The following CDYL variants were observed in gnomAD, a reference collection of about 807,000 sequenced individuals.
The protein encoded by CDYL is chromodomain Y-like protein.
A neutral mutation model predicts 47.3 loss-of-function variants in CDYL; 8 were observed. That is an observed-to-expected ratio of 0.17 (90% confidence interval 0.10 to 0.31). CDYL has a LOEUF of 0.31. Among genes scored for constraint, CDYL ranks in the 10% least tolerant of loss-of-function variants. The pLI is 1.00. For synonymous variants in CDYL, 266 were observed against 265.0 expected, an observed-to-expected ratio of 1.00 and a Z score of -0.04; for missense variants, 471 against 701.4, an observed-to-expected ratio of 0.67 and a Z score of 3.71.
intron 1 of CDYL, among the ~76,000 whole-genome samples, chr6:4,890,498 A>G (rs1035490433): frequency 1.3e-5 from 2 of 152,156 alleles, no homozygotes; most frequent in Admixed American, 6.5e-5. Flanking sequence ...ATATGTATTT[A>G]ATTTTAGGCT....
At position 4,746,513 on chromosome 6, in the gene CDYL, A is replaced by G. The variant is rs561420009; in HGVS notation, c.186+11669A>G. On this transcript the variant is annotated intron_variant, in intron 3 of 8. Transcript: ENST00000328908. ...GGGCACAACAACAGGAATGGATAGTAATGAAGAGACCGGAATGCTGCTGAG... is the reference window on the plus strand; with the variant it reads ...GGGCACAACAACAGGAATGGATAGTGATGAAGAGACCGGAATGCTGCTGAG... 2.6e-4 allele frequency among the ~76,000 whole-genome samples: 40 copies of G among 152,264 alleles called. 1 individual carries two copies. Among genetic ancestry groups the G allele is most frequent in the Admixed American group, 2.5e-3 (38 of 15,286 alleles).
chr6:4,828,755 A>C (rs868168352), intron 1 of CDYL, among the ~76,000 whole-genome samples: 5 of 152,016 alleles, frequency 3.3e-5, no homozygotes, highest in Admixed American at 6.5e-5. Context: ...GTTGGTATGC[A>C]TGATGGTGTC....
intron 1 of CDYL, among the ~76,000 whole-genome samples, chr6:4,820,178 A>G (rs1759795183): frequency 6.6e-6 from 1 of 152,168 alleles, no homozygotes; most frequent in African/African-American, 2.4e-5. Flanking sequence ...TTTTCCCCAA[A>G]AGTGCATAAA....
chr6:4,819,556 A>C (rs375493811), intron 1 of CDYL, among the ~76,000 whole-genome samples: 26 of 152,270 alleles, frequency 1.7e-4, no homozygotes, highest in Middle Eastern at 6.8e-3. Flanking sequence ...CATCATGACA[A>C]CATCTTGAGG....
chr6:4,824,198 C>T (rs779252421), intron 1 of CDYL, among the ~76,000 whole-genome samples: 9 of 152,160 alleles, frequency 5.9e-5, no homozygotes, highest in Non-Finnish European at 1.2e-4. Context: ...TTGATAATTC[C>T]AGTATATAAT....
intron 1 of CDYL, 73 bp downstream of exon 1, chr6:4,776,880 G>A: frequency 2.9e-6 from 2 of 698,364 alleles, no homozygotes; most frequent in Non-Finnish European, 3.5e-6. Flanking sequence ...GCCGCCCGAC[G>A]GCCCCGCTCG....
intron 1 of CDYL, among the ~76,000 whole-genome samples, chr6:4,789,072 T>A (rs1320834332): frequency 6.6e-6 from 1 of 151,902 alleles, no homozygotes; most frequent in African/African-American, 2.4e-5. Context: ...CTGGTTTTCG[T>A]GTTTTTTGTT....
chr6:4,903,561 G>A (rs772623889), intron 2 of CDYL, among the ~76,000 whole-genome samples: 2 of 152,186 alleles, frequency 1.3e-5, no homozygotes, highest in East Asian at 1.9e-4. Context: ...GAACCCACAC[G>A]ATGCACACGG....
chr6:4,777,095 TCTTGG>T (rs1264650823), intron 1 of CDYL, among the ~76,000 whole-genome samples: 1 of 144,558 alleles, frequency 6.9e-6, no homozygotes. Flanking sequence ...CTCAAAGTGC[TCTTGG>T]CGTGGGTCGT....
intron 1 of CDYL, among the ~76,000 whole-genome samples, chr6:4,817,691 G>A (rs1437157990): frequency 1.3e-5 from 2 of 152,068 alleles, no homozygotes; most frequent in Admixed American, 6.6e-5. Flanking sequence ...ATTAGCCACC[G>A]TTTTTGTATT....
chr6:4,792,437 T>C (rs1758951235), intron 1 of CDYL, among the ~76,000 whole-genome samples: 1 of 151,310 alleles, frequency 6.6e-6, no homozygotes, highest in Admixed American at 6.6e-5. Flanking sequence ...AAAAAAATTT[T>C]TTTTTTTTTT....
Position 4,777,023 on chromosome 6 carries a change from T to TGGG in CDYL, c.24+225_24+227dup, listed in dbSNP as rs1250362537. ...GGTCCTGAAGTTGCCGGGCGTGGGG[T>TGGG]GGGGGGGGGGGTCCCAGCCGTGGGG... On this transcript the variant is annotated intron_variant, in intron 1 of 6. Coordinates refer to ENST00000397588, the MANE Select transcript of CDYL (RefSeq NM_004824.4). Among the ~76,000 whole-genome samples the TGGG allele has an allele frequency of 8.2e-3, 552 of 67,426 alleles. 4 individuals are homozygous for TGGG. Among genetic ancestry groups the TGGG allele is most frequent in the Non-Finnish European group, 0.012 (364 of 31,126 alleles). 44.2% of individuals were successfully genotyped at this position (67,426 alleles called of 152,430 possible).
chr6:4,786,321 T>C (rs1249730156), intron 1 of CDYL, among the ~76,000 whole-genome samples: 1 of 152,162 alleles, frequency 6.6e-6, no homozygotes, highest in Non-Finnish European at 1.5e-5. Flanking sequence ...CAGAGATCCT[T>C]GATTTAGGCT....
At chr6:4,898,569 C>G (rs1287755354) in intron 2 of CDYL, among the ~76,000 whole-genome samples, 2 of 152,180 alleles carry the variant, frequency 1.3e-5, no homozygotes, top group African/African-American at 4.8e-5. Context: ...TGTAGATGCA[C>G]AGCCTCCCTC....
At chr6:4,726,531 C>CAAAAAA in intron 2 of CDYL, among the ~76,000 whole-genome samples, 1 of 100,368 alleles carries the variant, frequency 1.0e-5, no homozygotes. Context: ...GACTCTGTCT[C>CAAAAAA]AAAAAAAAAA....
chr6:4,866,364 A>G (rs1398742330), intron 1 of CDYL, among the ~76,000 whole-genome samples: 2 of 152,166 alleles, frequency 1.3e-5, no homozygotes, highest in Non-Finnish European at 2.9e-5. Flanking sequence ...TATTTTTTTA[A>G]AAGTGGCAGT....
chr6:4,914,839 A>G (rs1757511592), intron 2 of CDYL, among the ~76,000 whole-genome samples: 1 of 152,220 alleles, frequency 6.6e-6, no homozygotes, highest in Non-Finnish European at 1.5e-5. Context: ...GCACGGTACC[A>G]CAGTGTTCAC....
At chr6:4,750,133 G>A (rs1233299060) in intron 3 of CDYL, among the ~76,000 whole-genome samples, 5 of 152,082 alleles carry the variant, frequency 3.3e-5, no homozygotes, top group Non-Finnish European at 7.4e-5. Flanking sequence ...GAGGCCAGGA[G>A]TTTAAGACAA....
chr6:4,810,447 C>G (rs1020067896), intron 1 of CDYL, among the ~76,000 whole-genome samples: 1 of 152,146 alleles, frequency 6.6e-6, no homozygotes, highest in Admixed American at 6.5e-5. Flanking sequence ...CAGATTTTAT[C>G]AGTTGTTGTG....
Sources: allele counts gnomAD v4.1 joint callset (sites outside exome capture counted in the v4.1 genomes callset), GRCh38; gene constraint gnomAD v4.1.1; transcripts MANE v1.5; gene names NCBI Gene and HGNC (gene_info 2026-07-23, HGNC 2026-07-21).